The following INSYN1 variants were observed in gnomAD, a reference collection of about 807,000 sequenced individuals.
INSYN1 encodes the protein inhibitory synaptic factor 1, also known as UPF0583 protein C15orf59.
Under a neutral mutation model 17.1 loss-of-function variants are expected in INSYN1, and 7 were observed. That is an observed-to-expected ratio of 0.41 (90% CI 0.23 to 0.77). INSYN1 has a LOEUF of 0.77. Ranked by LOEUF, INSYN1 falls within the 30% of genes least tolerant of loss-of-function variation. INSYN1 has a pLI of 0.32. For missense variants in INSYN1, 339 were observed against 400.6 expected (o/e 0.85, Z 1.31); for synonymous variants, 174 against 166.3 (o/e 1.05, Z -0.36).
intron 2 of INSYN1, among the ~76,000 whole-genome samples, chr15:73,744,093 C>A (rs953224214): frequency 4.6e-5 from 7 of 152,054 alleles, no homozygotes; most frequent in Non-Finnish European, 1.0e-4. Context: ...GCTTAATGCG[C>A]TTTGGACAGC....
Position 73,740,415 on chromosome 15 carries a change from G to A in INSYN1, c.384C>T (p.Pro128=), listed in dbSNP as rs747470845. 3.7e-5 allele frequency: 59 copies of A among 1,612,508 alleles called. 1 individual carries two copies. In the East Asian group the frequency reaches 1.2e-3, roughly 32 times the overall value. The stretch of plus-strand genomic sequence containing the variant: ...GGCCAGCCCCTGGCCGAGTCGACTC[G>A]GGACCATCCACGGAGTCCGAGGGGG... ...VSTPSDSVDG[P]ESTRPGAGPD... is the part of the protein sequence containing the mutation. Residue 128 remains proline (P), a synonymous_variant, in exon 3 of 3, where the codon CCC becomes CCT. Coordinates refer to ENST00000569673, the MANE Select transcript of INSYN1 (RefSeq NM_001039614.3).
At chr15:73,744,288 A>G (rs896598) in intron 2 of INSYN1, among the ~76,000 whole-genome samples, 136,830 of 152,214 alleles carry the variant, frequency 0.9, 62,264 homozygotes, top group Non-Finnish European at 0.98. Flanking sequence ...GGGACATGCC[A>G]GGCCTTTCAA....
chr15:73,745,254 C>A (rs1239547437), intron 2 of INSYN1, among the ~76,000 whole-genome samples: 1 of 152,046 alleles, frequency 6.6e-6, no homozygotes, highest in Non-Finnish European at 1.5e-5. Context: ...TCCCTACCCA[C>A]CCCCTTTCCT....
Position 73,751,279 on chromosome 15 carries a change from C to T in INSYN1, c.-149G>A. 2.5e-6 allele frequency: 2 copies of T among 794,914 alleles called. No individual in the cohort carries two copies. The highest frequency in any genetic ancestry group is 4.0e-6 in the Non-Finnish European group (2 of 504,662). 49.2% of individuals were successfully genotyped at this position (794,914 alleles called of 1,614,324 possible). On this transcript the variant is annotated 5_prime_UTR_variant, in exon 2 of 3. Transcript: ENST00000569673. ...TGGCCCTGGGCGGCCCTCAACCAGC[C>T]CCTGCCCCCTGCCACCCAGCCTCCT...
At chr15:73,749,281 G>A (rs1452902435) in intron 2 of INSYN1, among the ~76,000 whole-genome samples, 3 of 152,160 alleles carry the variant, frequency 2.0e-5, no homozygotes, top group East Asian at 1.9e-4. Flanking sequence ...GGTAGGCTGT[G>A]TAACCTTGGA....
intron 2 of INSYN1, among the ~76,000 whole-genome samples, chr15:73,742,747 C>T (rs1691984780): frequency 6.6e-6 from 1 of 152,168 alleles, no homozygotes; most frequent in South Asian, 2.1e-4. Context: ...AGAGAAACTC[C>T]TATCTCCCAG....
chr15:73,745,257 C>A (rs550255163), intron 2 of INSYN1, among the ~76,000 whole-genome samples: 1 of 152,230 alleles, frequency 6.6e-6, no homozygotes, highest in East Asian at 1.9e-4. Flanking sequence ...CTACCCACCC[C>A]CTTTCCTCTC....
chr15:73,745,825 C>CAAAACAAAACAA (rs1233491041), intron 2 of INSYN1, among the ~76,000 whole-genome samples: 1 of 152,038 alleles, frequency 6.6e-6, no homozygotes, highest in Non-Finnish European at 1.5e-5. Context: ...CAAAACAAAA[C>CAAAACAAAACAA]AAAACAAAAC....
rs537645769 is a variant in INSYN1, at chr15:73,739,944, A to G, written c.855T>C (p.Thr285=). The G allele has an allele frequency of 6.3e-7, 1 of 1,585,936 alleles. No individual in the cohort carries two copies. The highest frequency in any genetic ancestry group is 8.6e-7 in the Non-Finnish European group (1 of 1,167,762). The part of the protein sequence containing the change: ...STQTVLPYTA[T]RQKARGKN ...AGTTTTTCCCCCTGGCTTTCTGTCT[A>G]GTGGCTGTGTAGGGCAGAACCGTCT... is the stretch of plus-strand genomic sequence containing the variant. Residue 285 remains threonine (T), a synonymous_variant, in exon 3 of 3, where the codon ACT becomes ACC. Coordinates refer to ENST00000569673, the MANE Select transcript of INSYN1 (RefSeq NM_001039614.3).
At chr15:73,745,810 A>AAAAACAAAACCAAAAC (rs1901810607) in intron 2 of INSYN1, among the ~76,000 whole-genome samples, 1 of 149,804 alleles carries the variant, frequency 6.7e-6, no homozygotes, top group Non-Finnish European at 1.5e-5. Context: ...CTCCGTCTCA[A>AAAAACAAAACCAAAAC]AAAACAAAAC....
intron 2 of INSYN1, among the ~76,000 whole-genome samples, chr15:73,745,468 C>A (rs1246258731): frequency 6.6e-6 from 1 of 152,184 alleles, no homozygotes; most frequent in Non-Finnish European, 1.5e-5. Context: ...TCAAAGCACC[C>A]TGCACCTCTC....
rs1350595642 is a variant in INSYN1, at chr15:73,751,261, G to A, written c.-131C>T. ...CGGCCCCCCAGCCCACCCTGGCCCT[G>A]GGCGGCCCTCAACCAGCCCCTGCCC... On this transcript the variant is annotated 5_prime_UTR_variant, in exon 2 of 3. Coordinates refer to ENST00000569673, the MANE Select transcript of INSYN1 (RefSeq NM_001039614.3). 1.7e-6 allele frequency: 2 copies of A among 1,167,374 alleles called. No homozygotes were observed. The highest frequency in any genetic ancestry group is 2.6e-5 in the East Asian group (1 of 38,788). 72.3% of individuals were successfully genotyped at this position (1,167,374 alleles called of 1,614,324 possible).
chr15:73,739,608 C>A lies in INSYN1; in HGVS notation c.*309G>T, dbSNP rs1433985599. 6.5e-6 allele frequency: 1 copy of A among 153,256 alleles called. No individual in the cohort carries two copies. The highest frequency in any genetic ancestry group is 1.4e-5 in the Non-Finnish European group (1 of 69,006). The allele number at this position is 153,256 out of a possible 1,614,324, so 9.5% of individuals were successfully genotyped here. A position where few individuals can be genotyped will look rare whatever the true frequency, so the allele number is the denominator to read the frequency against. On this transcript the variant is annotated 3_prime_UTR_variant, in exon 3 of 3. Transcript: ENST00000569673. ...ATCAGCCAGACTCCACCACAGAGTT[C>A]AGGGGCTAGCAAAAGGAGGATCAGA...
Position 73,740,302 on chromosome 15 carries a change from C to T in INSYN1, c.497G>A (p.Gly166Asp), listed in dbSNP as rs549585440. Residue 166 changes from glycine (G) to aspartate (D), a missense_variant, in exon 3 of 3, where the codon GGT becomes GAT. Coordinates refer to ENST00000569673, the MANE Select transcript of INSYN1 (RefSeq NM_001039614.3). ...CTGGCTCTTCACCGTGGGGCCAGCA[C>T]CAAAGGCCTCCTCACTGGAGGAGTC... ...TPDSSSEEAF[G>D]AGPTVKSQLP... The T allele has an allele frequency of 3.1e-6, 5 of 1,612,856 alleles. No homozygotes were observed. The highest frequency in any genetic ancestry group is 2.2e-5 in the South Asian group (2 of 90,914).
rs527467580 is a variant in INSYN1 at position 73,746,785 on chromosome 15, G to C, written c.156+4190C>G. 7.2e-5 allele frequency among the ~76,000 whole-genome samples: 11 copies of C among 152,276 alleles called. No homozygotes were observed. In the East Asian group the frequency reaches 2.1e-3, roughly 29 times the overall value. Reference sequence around the variant, plus strand: ...TGAGCCCCCATGTTGAGTGACGCCTGGGGGAGGGGGAAACCAAGGATGAGG... The same window carrying C: ...TGAGCCCCCATGTTGAGTGACGCCTCGGGGAGGGGGAAACCAAGGATGAGG... On this transcript the variant is annotated intron_variant, in intron 2 of 2. Transcript: ENST00000569673.
intron 2 of INSYN1, among the ~76,000 whole-genome samples, chr15:73,749,108 A>G (rs1235942621): frequency 1.3e-5 from 2 of 152,158 alleles, no homozygotes; most frequent in Non-Finnish European, 2.9e-5. Flanking sequence ...AGGGCATCTA[A>G]ACGATCTGCA....
chr15:73,753,310 T>TCGCTTGGCTC lies in INSYN1; in HGVS notation c.-1778_-1769dup, dbSNP rs1902047344. Among the ~76,000 whole-genome samples, 1 of 149,856 alleles carries TCGCTTGGCTC rather than the reference T, an allele frequency of 6.7e-6. No homozygotes were observed. ...CTGGCTCCCTTAAAGGCCGCCCGGC[T>TCGCTTGGCTC]CGCTTGGCTCCGCTTGCCTCGGCGC... On this transcript the variant is annotated 5_prime_UTR_variant, in exon 1 of 3. Coordinates refer to ENST00000569673, the MANE Select transcript of INSYN1 (RefSeq NM_001039614.3). The surrounding 1 kb of genome is among the most constrained non-coding windows in gnomAD (Gnocchi z 4.2).
intron 2 of INSYN1, among the ~76,000 whole-genome samples, chr15:73,743,451 A>G (rs1056189932): frequency 6.6e-6 from 1 of 152,120 alleles, no homozygotes; most frequent in Non-Finnish European, 1.5e-5. Flanking sequence ...GCAGATGATT[A>G]TCCCCCTCTG....
rs1170860578 is a variant in INSYN1, at chr15:73,740,170, ACCT to A, written c.626_628del (p.Glu209del). On this transcript the variant is annotated inframe_deletion, in exon 3 of 3. Coordinates refer to ENST00000569673, the MANE Select transcript of INSYN1 (RefSeq NM_001039614.3). ...GGGCAAGCCCACTTCTTCCTCCTCC[ACCT>A]CCTGCTCACCGTCCCCCTCCTCATC... 1.9e-6 allele frequency: 3 copies of A among 1,612,866 alleles called. No individual in the cohort carries two copies. The African/African-American group carries it at 4.0e-5, about 22-fold the overall frequency.
Sources: gnomAD v4.1 joint callset for allele counts (sites outside exome capture counted in the v4.1 genomes callset) on GRCh38, gnomAD v4.1.1 for gene constraint, Gnocchi (gnomAD v3.1) non-coding constraint, MANE v1.5 for transcripts, NCBI Gene and HGNC (gene_info 2026-07-23, HGNC 2026-07-21) for gene names.